The following PRKAR1A variants were observed in gnomAD, a reference collection of about 807,000 sequenced individuals.
The protein encoded by PRKAR1A is cAMP-dependent protein kinase type I-alpha regulatory subunit.
A neutral mutation model predicts 52.0 loss-of-function variants in PRKAR1A; 3 were observed. That is an observed-to-expected ratio of 0.06 (90% CI 0.03 to 0.15). The LOEUF is 0.15. PRKAR1A is among the 10% of genes least tolerant of loss of function. The pLI, the probability that PRKAR1A is intolerant of heterozygous loss-of-function variation, is 1.00. For missense variants in PRKAR1A, 240 were observed against 477.4 expected (o/e 0.50, Z 4.63); for synonymous variants, 188 against 168.4 (o/e 1.12, Z -0.90).
At chr17:68,520,308 T>C (rs1436419991) in intron 2 of PRKAR1A, among the ~76,000 whole-genome samples, 1 of 152,004 alleles carries the variant, frequency 6.6e-6, no homozygotes, top group Non-Finnish European at 1.5e-5. Context: ...AGGGAACAAA[T>C]AATCGGGAAA....
chr17:68,483,424 T>A, the PRKAR1A span, among the ~76,000 whole-genome samples: 1 of 152,132 alleles, frequency 6.6e-6, no homozygotes, highest in African/African-American at 2.4e-5. Context: ...GAGTTTGCAG[T>A]GAGCTGAGAT....
Position 68,532,796 on chromosome 17 carries a change from C to T in PRKAR1A, c.*2347C>T. The T allele has an allele frequency of 9.4e-7, 1 of 1,066,412 alleles. No individual in the cohort carries two copies. 66.1% of individuals were successfully genotyped at this position (1,066,412 alleles called of 1,614,324 possible). Reference sequence around the variant, plus strand: ...TGAATCAGTTTTTCTTCCCTTTCTCCTTTCCGTCTTTCCTCTCTCTGTCCT... The same window carrying T: ...TGAATCAGTTTTTCTTCCCTTTCTCTTTTCCGTCTTTCCTCTCTCTGTCCT... On this transcript the variant is annotated 3_prime_UTR_variant, in exon 11 of 11. Coordinates refer to ENST00000589228, the MANE Select transcript of PRKAR1A (RefSeq NM_002734.5).
the PRKAR1A span, among the ~76,000 whole-genome samples, chr17:68,462,839 G>A: frequency 4.6e-5 from 7 of 152,160 alleles, no homozygotes; most frequent in Non-Finnish European, 1.0e-4. Context: ...AGAGGGCCAC[G>A]GGCCAAGTAC....
At chr17:68,422,762 G>A in the PRKAR1A span, 10 of 149,778 alleles carry the variant, frequency 6.7e-5, no homozygotes, top group Non-Finnish European at 1.2e-4. Context: ...AAAAGGGAAG[G>A]TCAGTTTATA....
At chr17:68,544,009 C>G (rs967964848) in intron 11 of PRKAR1A, among the ~76,000 whole-genome samples, 1 of 152,068 alleles carries the variant, frequency 6.6e-6, no homozygotes. Context: ...ATTTTCAAAA[C>G]CCAGCAGTTG....
chr17:68,464,697 A>C, the PRKAR1A span, among the ~76,000 whole-genome samples: 1 of 31,296 alleles, frequency 3.2e-5, no homozygotes, highest in Admixed American at 2.5e-4. Flanking sequence ...CAAAAAAAAA[A>C]ACAAAAAAAA....
chr17:68,534,220 G>T (rs1009212986), downstream of PRKAR1A, among the ~76,000 whole-genome samples: 1 of 152,162 alleles, frequency 6.6e-6, no homozygotes, highest in Non-Finnish European at 1.5e-5. Flanking sequence ...AAACCACTGA[G>T]TAAGATTTTT....
intron 7 of PRKAR1A, among the ~76,000 whole-genome samples, chr17:68,526,712 G>C (rs186223104): frequency 1.6e-3 from 236 of 152,232 alleles, no homozygotes; most frequent in African/African-American, 5.5e-3. Context: ...TGGGAGCTAA[G>C]CAATGAGAAC....
chr17:68,455,713 G>A, the PRKAR1A span, among the ~76,000 whole-genome samples: 7 of 152,272 alleles, frequency 4.6e-5, no homozygotes, highest in South Asian at 4.1e-4. Flanking sequence ...GCACCCTACC[G>A]TTTTGAAAAT....
At chr17:68,445,211 C>T in the PRKAR1A span, among the ~76,000 whole-genome samples, 5 of 152,284 alleles carry the variant, frequency 3.3e-5, no homozygotes, top group East Asian at 1.9e-4. Flanking sequence ...TGAGCCACCG[C>T]GTTCAACAGG....
the PRKAR1A span, chr17:68,426,253 G>GGGGGGGGGGGGGGGGGGGGT: frequency 2.4e-6 from 2 of 841,016 alleles, no homozygotes; most frequent in Non-Finnish European, 3.8e-6. Context: ...GGGGAGCGGG[G>GGGGGGGGGGGGGGGGGGGGT]GCTCAAATAA....
At position 68,525,798 on chromosome 17, in the gene PRKAR1A, G is replaced by C. The variant is rs1223896200; in HGVS notation, c.594G>C (p.Gly198=). The change falls in exon 7 of 11, where the codon GGG becomes GGC. Residue 198 remains glycine, a synonymous_variant. Coordinates refer to ENST00000589228, the MANE Select transcript of PRKAR1A (RefSeq NM_002734.5). ...GGGCAACCAGTGTTGGGGAAGGAGG[G>C]AGCTTTGGAGAACTTGCTTTGATTT... The part of the protein sequence containing the change: ...NEWATSVGEG[G]SFGELALIYG... The C allele has an allele frequency of 6.2e-7, 1 of 1,613,736 alleles. No individual in the cohort carries two copies. The highest frequency in any genetic ancestry group is 8.5e-7 in the Non-Finnish European group (1 of 1,179,920).
the PRKAR1A span, among the ~76,000 whole-genome samples, chr17:68,436,216 C>A: frequency 2.0e-5 from 3 of 152,208 alleles, no homozygotes; most frequent in African/African-American, 7.2e-5. Context: ...GGTTGACTCA[C>A]AGCAAGCCCG....
At chr17:68,488,479 G>A in the PRKAR1A span, among the ~76,000 whole-genome samples, 1 of 152,114 alleles carries the variant, frequency 6.6e-6, no homozygotes, top group East Asian at 1.9e-4. Flanking sequence ...TGTCATCGCA[G>A]CACTTTGGGA....
At position 68,531,956 on chromosome 17, in the gene PRKAR1A, C is replaced by CT. The variant is rs1423191813; in HGVS notation, c.*1508dup. 1 of 1,065,894 alleles carries CT rather than the reference C, an allele frequency of 9.4e-7. No individual in the cohort carries two copies. Among genetic ancestry groups the CT allele is most frequent in the Non-Finnish European group, 1.1e-6 (1 of 879,522 alleles). 66.0% of individuals were successfully genotyped at this position (1,065,894 alleles called of 1,614,324 possible). ...TCCATCTGTGTGCAACTAACTGACT[C>CT]TGTTATTGATCCCTTCTCCTGCCCT... On this transcript the variant is annotated 3_prime_UTR_variant, in exon 11 of 11. Transcript: ENST00000589228.
chr17:68,501,400 G>A, the PRKAR1A span, among the ~76,000 whole-genome samples: 3 of 152,156 alleles, frequency 2.0e-5, no homozygotes, highest in Non-Finnish European at 4.4e-5. Context: ...AGGAGGTGCT[G>A]CATTCACTCC....
At chr17:68,521,430 A>G (rs376114871) in intron 2 of PRKAR1A, among the ~76,000 whole-genome samples, 1 of 152,070 alleles carries the variant, frequency 6.6e-6, no homozygotes, top group African/African-American at 2.4e-5. Flanking sequence ...GAGGTTTTAC[A>G]ATGTTGCCTA....
the PRKAR1A span, chr17:68,421,573 G>A: frequency 2.1e-4 from 134 of 634,166 alleles, 1 homozygote; most frequent in East Asian, 2.6e-3. Context: ...TGTATACAAT[G>A]TCTCCCGCGC....
intron 11 of PRKAR1A, chr17:68,539,842 C>G (rs1305928827): frequency 6.3e-7 from 1 of 1,589,626 alleles, no homozygotes; most frequent in Non-Finnish European, 8.6e-7. Context: ...CAGAGCAGCA[C>G]ATCTGGGAGA....
Sources: gnomAD v4.1 joint callset for allele counts (sites outside exome capture counted in the v4.1 genomes callset) on GRCh38, gnomAD v4.1.1 for gene constraint, MANE v1.5 for transcripts, NCBI Gene and HGNC (gene_info 2026-07-23, HGNC 2026-07-21) for gene names.